ZNF853: variants seen among roughly 807,000 people sequenced by gnomAD.
The protein encoded by ZNF853 is zinc finger protein 853.
In ZNF853, 57 loss-of-function variants were observed where a neutral mutation model predicts 94.7. That is an observed-to-expected ratio of 0.60 (90% CI 0.49 to 0.75). The LOEUF is 0.75. Ranked by LOEUF, ZNF853 falls within the 30% of genes least tolerant of loss-of-function variation. ZNF853 has a pLI of 0.00. For missense variants in ZNF853, 785 were observed against 868.9 expected, an observed-to-expected ratio of 0.90 and a Z score of 1.21; for synonymous variants, 448 against 406.3, an observed-to-expected ratio of 1.10 and a Z score of -1.23.
rs1449522784 is a variant in ZNF853, at chr7:6,622,360, G to A, written c.1369G>A (p.Val457Met). Reference protein sequence around the residue: ...MVLPAVAAPAVVAIPGPAGSA... With the variant: ...MVLPAVAAPAMVAIPGPAGSA... ...GCTGCCCGCCGTGGCAGCGCCGGCC[G>A]TGGTGGCCATCCCGGGCCCGGCAGG... Residue 457 changes from valine (V) to methionine (M), a missense_variant, in exon 3 of 3, where the codon GTG becomes ATG. Transcript: ENST00000457543. 2.1e-6 allele frequency: 3 copies of A among 1,435,908 alleles called. No individual in the cohort carries two copies. The highest frequency in any genetic ancestry group is 3.0e-5 in the East Asian group (1 of 32,790). 88.9% of individuals were successfully genotyped at this position (1,435,908 alleles called of 1,614,324 possible).
In ZNF853 at chr7:6,623,385, C is replaced by T. The variant is rs1562571728; in HGVS notation, c.*414C>T. 1.5e-5 allele frequency: 6 copies of T among 398,452 alleles called. No homozygotes were observed. In the South Asian group the frequency reaches 6.4e-4, roughly 42 times the overall value. The allele number at this position is 398,452 out of a possible 1,614,324, so 24.7% of individuals were successfully genotyped here. ...TGGTGAGACACACGTGGAAAATCTT[C>T]GATCCTGGTGAAAATGATCGCAAGG... On this transcript the variant is annotated 3_prime_UTR_variant, in exon 3 of 3. Transcript: ENST00000457543.
chr7:6,617,955 A>T, intron 2 of ZNF853, among the ~76,000 whole-genome samples: 1 of 152,090 alleles, frequency 6.6e-6, no homozygotes, highest in Non-Finnish European at 1.5e-5. Context: ...ACAGAGCTTG[A>T]AAAGGACCAA....
chr7:6,619,318 C>A, intron 2 of ZNF853, among the ~76,000 whole-genome samples: 7 of 152,080 alleles, frequency 4.6e-5, no homozygotes, highest in African/African-American at 1.7e-4. Flanking sequence ...TGTCGCTGGG[C>A]TGGAGTGCAC....
Position 6,621,942 on chromosome 7 carries a change from G to A in ZNF853, c.951G>A (p.Glu317=). The change falls in exon 3 of 3, where the codon GAG becomes GAA. Residue 317 remains glutamate (E), a synonymous_variant. Transcript: ENST00000457543. The part of the protein sequence containing the change: ...LQPPPLEPEE[E]EEVELELMPV... ...CTCCTCCCCTGGAGCCCGAGGAGGA[G>A]GAAGAGGTGGAGCTGGAGCTCATGC... 3 of 1,551,100 alleles carry A rather than the reference G, an allele frequency of 1.9e-6. No homozygotes were observed. The highest frequency in any genetic ancestry group is 1.4e-5 in the African/African-American group (1 of 73,176).
rs558059062 is a variant in ZNF853 at position 6,622,168 on chromosome 7, C to T, written c.1177C>T (p.Leu393=). ...EVQLELTPVE[L]GAQQQEVQLE... Reference sequence around the variant, plus strand: ...GCAGCTGGAGCTGACCCCGGTGGAGCTAGGCGCCCAGCAGCAGGAGGTGCA... The same window carrying T: ...GCAGCTGGAGCTGACCCCGGTGGAGTTAGGCGCCCAGCAGCAGGAGGTGCA... Residue 393 remains leucine (L), a synonymous_variant, in exon 3 of 3, where the codon CTA becomes TTA. Transcript: ENST00000457543. The T allele has an allele frequency of 1.3e-6, 2 of 1,541,362 alleles. No individual in the cohort carries two copies. Among genetic ancestry groups the T allele is most frequent in the Non-Finnish European group, 1.7e-6 (2 of 1,145,954 alleles).
chr7:6,617,582 C>A, intron 2 of ZNF853: 2 of 985,128 alleles, frequency 2.0e-6, no homozygotes, highest in African/African-American at 3.5e-5. Flanking sequence ...TGTTTCCTGG[C>A]AGCCAGAGGG....
At position 6,622,668 on chromosome 7, in the gene ZNF853, C is replaced by G; in HGVS notation, c.1677C>G (p.His559Gln). 8 of 1,578,998 alleles carry G rather than the reference C, an allele frequency of 5.1e-6. No homozygotes were observed. Among genetic ancestry groups the G allele is most frequent in the South Asian group, 1.1e-5 (1 of 87,172 alleles). ...RFSESSALVQ[H>Q]QRTHTGERPY... ...GCGAGAGCTCGGCGCTCGTGCAGCA[C>G]CAGCGCACGCACACCGGGGAGCGAC... Residue 559 changes from histidine (H) to glutamine (Q), a missense_variant, in exon 3 of 3, where the codon CAC becomes CAG. By Grantham distance (24) the His-to-Gln change is conservative. Coordinates refer to ENST00000457543, the MANE Select transcript of ZNF853 (RefSeq NM_017560.3).
intron 1 of ZNF853, 56 bp downstream of exon 1, chr7:6,616,242 G>A: frequency 6.5e-7 from 1 of 1,527,276 alleles, no homozygotes; most frequent in Non-Finnish European, 8.9e-7. Flanking sequence ...CCTTGAGAGA[G>A]TTTGGACTGG....
rs942280086 is a variant in ZNF853, at chr7:6,617,196, C to G, written c.19C>G (p.Pro7Ala). The G allele has an allele frequency of 6.5e-7, 1 of 1,543,548 alleles. No individual in the cohort carries two copies. Among genetic ancestry groups the G allele is most frequent in the Non-Finnish European group, 8.7e-7 (1 of 1,143,932 alleles). Residue 7 changes from proline to alanine, a missense_variant, in exon 2 of 3, where the codon CCC (proline) becomes GCC (alanine). By Grantham distance (27) the Pro-to-Ala change is conservative. Coordinates refer to ENST00000457543, the MANE Select transcript of ZNF853 (RefSeq NM_017560.3). ...TTCCTTCCTTTCAGCACAGCCGACT[C>G]CCGGGAATCGGGGTCTGACCGCCAG... MLHQPT[P>A]GNRGLTARME...
At position 6,622,759 on chromosome 7, in the gene ZNF853, A is replaced by T; in HGVS notation, c.1768A>T (p.Thr590Ser). 1 of 1,549,428 alleles carries T rather than the reference A, an allele frequency of 6.5e-7. No individual in the cohort carries two copies. Among genetic ancestry groups the T allele is most frequent in the Non-Finnish European group, 8.7e-7 (1 of 1,150,208 alleles). The change falls in exon 3 of 3, where the codon ACG becomes TCG. Residue 590 changes from threonine to serine, a missense_variant. Physicochemically the swap from Thr to Ser is moderately conservative, Grantham distance 58. Coordinates refer to ENST00000457543, the MANE Select transcript of ZNF853 (RefSeq NM_017560.3). Reference sequence around the variant, plus strand: ...CTCCAACCTGCTGCGCCACCGGCGCACGCACTCGGGCGAGCGGCCCTACGT... The same window carrying T: ...CTCCAACCTGCTGCGCCACCGGCGCTCGCACTCGGGCGAGCGGCCCTACGT... ...VSSNLLRHRRTHSGERPYVCE... is the reference protein window; with the variant it reads ...VSSNLLRHRRSHSGERPYVCE...
chr7:6,618,474 C>G, intron 2 of ZNF853, among the ~76,000 whole-genome samples: 1 of 152,034 alleles, frequency 6.6e-6, no homozygotes, highest in Non-Finnish European at 1.5e-5. Flanking sequence ...TTTGGGAAAC[C>G]GAGGCAGGTG....
intron 2 of ZNF853, among the ~76,000 whole-genome samples, chr7:6,618,735 A>T: frequency 6.6e-6 from 1 of 152,086 alleles, no homozygotes; most frequent in African/African-American, 2.4e-5. Context: ...ACAAAAACTG[A>T]AATTGCTGCC....
In ZNF853 at chr7:6,622,522, C is replaced by T; in HGVS notation, c.1531C>T (p.Arg511Trp). 6.5e-7 allele frequency: 1 copy of T among 1,548,390 alleles called. No homozygotes were observed. Among genetic ancestry groups the T allele is most frequent in the Non-Finnish European group, 8.7e-7 (1 of 1,146,532 alleles). Reference protein sequence around the residue: ...VRHQATHTGERPHRCGECGKG... With the variant: ...VRHQATHTGEWPHRCGECGKG... ...CCACCAGGCCACGCACACGGGTGAGCGGCCACACCGCTGCGGCGAGTGCGG... is the reference window on the plus strand; with the variant it reads ...CCACCAGGCCACGCACACGGGTGAGTGGCCACACCGCTGCGGCGAGTGCGG... Residue 511 changes from arginine to tryptophan, a missense_variant, in exon 3 of 3, where the codon CGG becomes TGG. Arg to Trp is a moderately radical substitution (Grantham distance 101, BLOSUM62 -3). Coordinates refer to ENST00000457543, the MANE Select transcript of ZNF853 (RefSeq NM_017560.3).
Position 6,622,288 on chromosome 7 carries a change from G to A in ZNF853, c.1297G>A (p.Val433Ile), listed in dbSNP as rs1331753423. The A allele has an allele frequency of 2.7e-6, 4 of 1,505,414 alleles. No individual in the cohort carries two copies. Among genetic ancestry groups the A allele is most frequent in the Non-Finnish European group, 3.5e-6 (4 of 1,133,570 alleles). 93.3% of individuals were successfully genotyped at this position (1,505,414 alleles called of 1,614,324 possible). ...GGCGGTCCCGGGGGCTCCGGCCGCG[G>A]TCGTGGTGGCTCCCCCGGGCTACGT... ...GAAVPGAPAAVVVAPPGYVVV... is the reference protein window; with the variant it reads ...GAAVPGAPAAIVVAPPGYVVV... The change falls in exon 3 of 3, where the codon GTC (valine) becomes ATC (isoleucine). Residue 433 changes from valine to isoleucine, a missense_variant. Physicochemically the swap from Val to Ile is conservative, Grantham distance 29. Transcript: ENST00000457543.
At chr7:6,618,127 CT>C in intron 2 of ZNF853, among the ~76,000 whole-genome samples, 3 of 151,814 alleles carry the variant, frequency 2.0e-5, no homozygotes, top group Non-Finnish European at 4.4e-5. Flanking sequence ...TGGTGAAACA[CT>C]GTCTTTACTA....
In ZNF853 at chr7:6,622,263, G is replaced by A. The variant is rs1782638811; in HGVS notation, c.1272G>A (p.Ala424=). 2 of 1,511,326 alleles carry A rather than the reference G, an allele frequency of 1.3e-6. No individual in the cohort carries two copies. The highest frequency in any genetic ancestry group is 4.9e-5 in the East Asian group (2 of 40,608). The allele number at this position is 1,511,326 out of a possible 1,614,324, so 93.6% of individuals were successfully genotyped here. A position where few individuals can be genotyped will look rare whatever the true frequency, so the allele number is the denominator to read the frequency against. Residue 424 remains alanine (A), a synonymous_variant, in exon 3 of 3, where the codon GCG becomes GCA. Transcript: ENST00000457543. ...ELVPAAGGGG[A]AVPGAPAAVV... is the part of the protein sequence containing the mutation. ...TGCCAGCCGCAGGGGGCGGCGGAGC[G>A]GCGGTCCCGGGGGCTCCGGCCGCGG... is the stretch of plus-strand genomic sequence containing the variant.
chr7:6,622,720 C>T lies in ZNF853; in HGVS notation c.1729C>T (p.Arg577Cys), dbSNP rs765360638. The T allele has an allele frequency of 1.5e-5, 23 of 1,568,788 alleles. No individual in the cohort carries two copies. The highest frequency in any genetic ancestry group is 1.8e-5 in the Non-Finnish European group (21 of 1,159,412). ...CTACGCCTGCGGGGACTGTGGCAAGCGCTTCAGCGTCTCCTCCAACCTGCT... is the reference window on the plus strand; with the variant it reads ...CTACGCCTGCGGGGACTGTGGCAAGTGCTTCAGCGTCTCCTCCAACCTGCT... ...RPYACGDCGK[R>C]FSVSSNLLRH... The change falls in exon 3 of 3, where the codon CGC (arginine) becomes TGC (cysteine). Residue 577 changes from arginine to cysteine, a missense_variant. Arg to Cys is a radical substitution (Grantham distance 180, BLOSUM62 -3). Coordinates refer to ENST00000457543, the MANE Select transcript of ZNF853 (RefSeq NM_017560.3).
In ZNF853 at chr7:6,621,141, G is replaced by C; in HGVS notation, c.150G>C (p.Glu50Asp). The C allele has an allele frequency of 2.0e-6, 3 of 1,465,936 alleles. No individual in the cohort carries two copies. Among genetic ancestry groups the C allele is most frequent in the Non-Finnish European group, 2.7e-6 (3 of 1,108,902 alleles). The allele number at this position is 1,465,936 out of a possible 1,614,324, so 90.8% of individuals were successfully genotyped here. A position where few individuals can be genotyped will look rare whatever the true frequency, so the allele number is the denominator to read the frequency against. ...DTLSGGSGGS[E>D]SQEEEEPQER... ...CCACAGGTGGCAGCGGTGGGAGCGA[G>C]AGTCAGGAGGAGGAAGAGCCTCAGG... The change falls in exon 3 of 3, where the codon GAG becomes GAC. Residue 50 changes from glutamate to aspartate, a missense_variant. Coordinates refer to ENST00000457543, the MANE Select transcript of ZNF853 (RefSeq NM_017560.3).
At position 6,621,118 on chromosome 7, in the gene ZNF853, A is replaced by G; in HGVS notation, c.131-4A>G. Reference sequence around the variant, plus strand: ...CTCTTGGCTTCCTGCCATTTCTTCCACAGGTGGCAGCGGTGGGAGCGAGAG... The same window carrying G: ...CTCTTGGCTTCCTGCCATTTCTTCCGCAGGTGGCAGCGGTGGGAGCGAGAG... On this transcript the variant is annotated splice_region_variant and splice_polypyrimidine_tract_variant and intron_variant, in intron 2 of 2. Transcript: ENST00000457543. 1 of 1,462,424 alleles carries G rather than the reference A, an allele frequency of 6.8e-7. No individual in the cohort carries two copies. The highest frequency in any genetic ancestry group is 1.4e-5 in the African/African-American group (1 of 69,972). The allele number at this position is 1,462,424 out of a possible 1,614,324, so 90.6% of individuals were successfully genotyped here.
Sources: gnomAD v4.1 joint callset for allele counts (sites outside exome capture counted in the v4.1 genomes callset) on GRCh38, gnomAD v4.1.1 for gene constraint, MANE v1.5 for transcripts, NCBI Gene and HGNC (gene_info 2026-07-23, HGNC 2026-07-21) for gene names.